Variants in THEMIS observed in about 807,000 individuals in gnomAD.
The protein encoded by THEMIS is protein THEMIS.
A neutral mutation model predicts 52.6 loss-of-function variants in THEMIS; 37 were observed. The observed-to-expected ratio is 0.70, with a 90% CI of 0.54 to 0.93. THEMIS has a LOEUF of 0.93. THEMIS is among the 40% of genes least tolerant of loss of function. THEMIS has a pLI of 0.00. For missense variants in THEMIS, 808 were observed against 763.1 expected (o/e 1.06, Z -0.69); for synonymous variants, 292 against 272.7 (o/e 1.07, Z -0.70).
chr6:127,841,866 C>A (rs1342017391), intron 2 of THEMIS, among the ~76,000 whole-genome samples: 1 of 151,994 alleles, frequency 6.6e-6, no homozygotes, highest in African/African-American at 2.4e-5. Context: ...GTAGACACAG[C>A]TGAGTTTACT....
At chr6:127,830,527 A>G (rs1778664653) in intron 2 of THEMIS, among the ~76,000 whole-genome samples, 1 of 151,828 alleles carries the variant, frequency 6.6e-6, no homozygotes, top group Admixed American at 6.6e-5. Flanking sequence ...CTACACAAAG[A>G]ATACAAAAAT....
At chr6:127,716,904 T>C (rs962617246) in intron 5 of THEMIS, among the ~76,000 whole-genome samples, 1 of 151,828 alleles carries the variant, frequency 6.6e-6, no homozygotes, top group South Asian at 2.1e-4. Flanking sequence ...GAGGAATCAG[T>C]GACATCATCA....
At position 127,730,309 on chromosome 6, in the gene THEMIS, AAGAAAAGAGAAAAAAAG is replaced by A. The variant is rs1339705747; in HGVS notation, c.1759-10503_1759-10487del. ...AAGAAAAGAAAAGAAAAGAAAAGAA[AAGAAAAGAGAAAAAAAG>A]AAAAGAAAAGAAAAGAAGAGAAGAG... On this transcript the variant is annotated intron_variant, in intron 4 of 5. Coordinates refer to ENST00000368248, the MANE Select transcript of THEMIS (RefSeq NM_001010923.3). Among the ~76,000 whole-genome samples, 128 of 144,512 alleles carry A rather than the reference AAGAAAAGAGAAAAAAAG, an allele frequency of 8.9e-4. 1 individual carries two copies. The highest frequency in any genetic ancestry group is 3.4e-3 in the African/African-American group (123 of 35,880). 94.8% of individuals were successfully genotyped at this position (144,512 alleles called of 152,430 possible). A position where few individuals can be genotyped will look rare whatever the true frequency, so the allele number is the denominator to read the frequency against.
intron 5 of THEMIS, among the ~76,000 whole-genome samples, chr6:127,715,807 A>G (rs1374275893): frequency 6.6e-6 from 1 of 151,906 alleles, no homozygotes; most frequent in Non-Finnish European, 1.5e-5. Context: ...AACAGTTTCA[A>G]TGTTCTAACT....
At chr6:127,789,200 C>T (rs1777078573) in intron 4 of THEMIS, among the ~76,000 whole-genome samples, 1 of 152,090 alleles carries the variant, frequency 6.6e-6, no homozygotes, top group Non-Finnish European at 1.5e-5. Flanking sequence ...GATATCTCCA[C>T]TCATCCCATA....
At chr6:127,882,259 A>G (rs1418390515) in intron 1 of THEMIS, among the ~76,000 whole-genome samples, 1 of 151,800 alleles carries the variant, frequency 6.6e-6, no homozygotes, top group Non-Finnish European at 1.5e-5. Context: ...TCAACATTTT[A>G]TTATAAAATA....
intron 3 of THEMIS, among the ~76,000 whole-genome samples, chr6:127,823,057 C>T (rs1365835701): frequency 6.6e-6 from 1 of 152,032 alleles, no homozygotes; most frequent in African/African-American, 2.4e-5. Context: ...GTATATTTAG[C>T]ACACATAGAT....
intron 4 of THEMIS, among the ~76,000 whole-genome samples, chr6:127,728,969 T>C (rs1433998659): frequency 6.6e-6 from 1 of 152,214 alleles, no homozygotes; most frequent in South Asian, 2.1e-4. Flanking sequence ...TATCTTCAAA[T>C]ACACTTGAAC....
intron 4 of THEMIS, among the ~76,000 whole-genome samples, chr6:127,779,381 C>T (rs1225678083): frequency 1.3e-5 from 2 of 152,050 alleles, no homozygotes; most frequent in East Asian, 3.8e-4. Context: ...CATTATTTTC[C>T]AGAGACAGAG....
At chr6:127,862,017 G>A (rs755351346) in intron 1 of THEMIS, among the ~76,000 whole-genome samples, 3 of 151,898 alleles carry the variant, frequency 2.0e-5, no homozygotes, top group South Asian at 2.1e-4. Context: ...TCTTCACCAC[G>A]GATAGTTTTG....
At chr6:127,760,666 C>T (rs999677968) in intron 4 of THEMIS, among the ~76,000 whole-genome samples, 5 of 151,988 alleles carry the variant, frequency 3.3e-5, no homozygotes, top group Admixed American at 2.6e-4. Flanking sequence ...TCTCTAGGTA[C>T]TAGAGTGGCT....
At chr6:127,819,830 C>T (rs1310318880) in intron 3 of THEMIS, among the ~76,000 whole-genome samples, 1 of 152,092 alleles carries the variant, frequency 6.6e-6, no homozygotes. Flanking sequence ...GTAGGAAACT[C>T]AGATGTACAC....
intron 1 of THEMIS, among the ~76,000 whole-genome samples, chr6:127,877,824 A>AT (rs1780359961): frequency 6.6e-6 from 1 of 152,218 alleles, no homozygotes; most frequent in African/African-American, 2.4e-5. Context: ...TGCTCGATAC[A>AT]GGTGTGCCAC....
Position 127,745,418 on chromosome 6 carries a change from C to T in THEMIS, c.1759-25595G>A, listed in dbSNP as rs942493618. On this transcript the variant is annotated intron_variant, in intron 4 of 5. Coordinates refer to ENST00000368248, the MANE Select transcript of THEMIS (RefSeq NM_001010923.3). Reference sequence around the variant, plus strand: ...TACTTAAAGACATCAAAAAAGTTGACATATGATGTTTATAAATATCTTTAT... The same window carrying T: ...TACTTAAAGACATCAAAAAAGTTGATATATGATGTTTATAAATATCTTTAT... Among the ~76,000 whole-genome samples, 5 of 151,932 alleles carry T rather than the reference C, an allele frequency of 3.3e-5. No homozygotes were observed. In the South Asian group the frequency reaches 1.0e-3, roughly 31 times the overall value.
At chr6:127,814,564 GTTCT>G (rs1183511527) in intron 3 of THEMIS, among the ~76,000 whole-genome samples, 1 of 152,096 alleles carries the variant, frequency 6.6e-6, no homozygotes, top group African/African-American at 2.4e-5. Context: ...CAATGTCAAA[GTTCT>G]TTCTTTCTCC....
intron 1 of THEMIS, among the ~76,000 whole-genome samples, chr6:127,856,449 C>T (rs1190202169): frequency 4.0e-5 from 6 of 151,876 alleles, no homozygotes; most frequent in Non-Finnish European, 7.4e-5. Flanking sequence ...AATAAATGTC[C>T]TGACCTCACT....
chr6:127,785,490 A>C (rs995285705), intron 4 of THEMIS, among the ~76,000 whole-genome samples: 1 of 150,790 alleles, frequency 6.6e-6, no homozygotes, highest in South Asian at 2.1e-4. Context: ...AAAAAAAAAA[A>C]ACAATACTTT....
At chr6:127,841,502 A>G (rs927979966) in intron 2 of THEMIS, among the ~76,000 whole-genome samples, 2 of 152,034 alleles carry the variant, frequency 1.3e-5, no homozygotes, top group African/African-American at 4.8e-5. Flanking sequence ...CATTAATACC[A>G]AGAAAACTTA....
chr6:127,814,481 T>C lies in THEMIS; in HGVS notation c.710-550A>G, dbSNP rs567846070. Among the ~76,000 whole-genome samples the C allele has an allele frequency of 1.1e-4, 17 of 152,272 alleles. No individual in the cohort carries two copies. In the South Asian group the frequency reaches 1.9e-3, roughly 17 times the overall value. On this transcript the variant is annotated intron_variant, in intron 3 of 5. Transcript: ENST00000368248. ...AATCATATCCTGTGAGTTGAAACAA[T>C]ATTGCAAAATCCTAAGATACAAGCT...
Sources: allele counts gnomAD v4.1 joint callset (sites outside exome capture counted in the v4.1 genomes callset), GRCh38; gene constraint gnomAD v4.1.1; transcripts MANE v1.5; gene names NCBI Gene and HGNC (gene_info 2026-07-23, HGNC 2026-07-21).